FAM135B: variants seen among roughly 807,000 people sequenced by gnomAD.
FAM135B encodes protein FAM135B.
A neutral mutation model predicts 127.7 loss-of-function variants in FAM135B; 43 were observed. That is an observed-to-expected ratio of 0.34 (90% CI 0.26 to 0.43). The LOEUF (loss-of-function observed/expected upper bound fraction) is 0.43, where lower values mean the gene tolerates loss of function less well. Ranked by LOEUF, FAM135B falls within the 20% of genes least tolerant of loss-of-function variation. The probability of loss-of-function intolerance (pLI) is 1.00; values close to 1 mark genes in which losing one functional copy is unlikely to be tolerated. For synonymous variants in FAM135B, 670 were observed against 665.1 expected, an observed-to-expected ratio of 1.01 and a Z score of -0.11; for missense variants, 1,558 against 1,725.6, an observed-to-expected ratio of 0.90 and a Z score of 1.72.
intron 1 of FAM135B, among the ~76,000 whole-genome samples, chr8:138,392,772 C>A (rs1015759280): frequency 6.6e-6 from 1 of 152,074 alleles, no homozygotes; most frequent in Non-Finnish European, 1.5e-5. Flanking sequence ...CTAGCAGGAG[C>A]TAGGGACCAC....
chr8:138,429,098 A>G (rs1835061131), intron 1 of FAM135B, among the ~76,000 whole-genome samples: 1 of 152,206 alleles, frequency 6.6e-6, no homozygotes, highest in Non-Finnish European at 1.5e-5. Context: ...TGGACAAAAA[A>G]TATGGGTATC....
At chr8:138,313,036 A>C (rs1826813002) in intron 2 of FAM135B, among the ~76,000 whole-genome samples, 1 of 152,272 alleles carries the variant, frequency 6.6e-6, no homozygotes, top group Non-Finnish European at 1.5e-5. Flanking sequence ...CTTTAATTTC[A>C]TATCTTATAA....
chr8:138,359,912 T>C (rs549045448), intron 2 of FAM135B, among the ~76,000 whole-genome samples: 1 of 152,282 alleles, frequency 6.6e-6, no homozygotes, highest in South Asian at 2.1e-4. Context: ...GGTGAGTACG[T>C]TCAAAGGAGA....
At chr8:138,421,760 A>G (rs1271831847) in intron 1 of FAM135B, among the ~76,000 whole-genome samples, 2 of 152,190 alleles carry the variant, frequency 1.3e-5, no homozygotes, top group Non-Finnish European at 1.5e-5. Context: ...TACCAATATC[A>G]TTTTCATAGA....
At chr8:138,422,051 A>G (rs1028931524) in intron 1 of FAM135B, among the ~76,000 whole-genome samples, 2 of 152,180 alleles carry the variant, frequency 1.3e-5, no homozygotes, top group African/African-American at 4.8e-5. Context: ...TTGTGCTGGG[A>G]TAACTGGCTA....
At chr8:138,158,501 G>C (rs1282915334) in intron 12 of FAM135B, among the ~76,000 whole-genome samples, 4 of 152,150 alleles carry the variant, frequency 2.6e-5, no homozygotes, top group Non-Finnish European at 5.9e-5. Context: ...AGAGTGAACA[G>C]GCAACCTACA....
At chr8:138,347,316 T>C (rs1829486427) in intron 2 of FAM135B, among the ~76,000 whole-genome samples, 1 of 152,210 alleles carries the variant, frequency 6.6e-6, no homozygotes, top group Admixed American at 6.5e-5. Flanking sequence ...AAATCATCCC[T>C]TCCTGTGGTA....
chr8:138,483,531 G>A (rs1814868243), intron 1 of FAM135B, among the ~76,000 whole-genome samples: 1 of 152,218 alleles, frequency 6.6e-6, no homozygotes, highest in Admixed American at 6.5e-5. Flanking sequence ...CCAGATGAAG[G>A]TGGGGTTTGT....
At chr8:138,445,394 A>G (rs1016913810) in intron 1 of FAM135B, among the ~76,000 whole-genome samples, 2 of 152,230 alleles carry the variant, frequency 1.3e-5, no homozygotes, top group African/African-American at 2.4e-5. Flanking sequence ...CATTGATGCA[A>G]AAATCCTCAA....
At chr8:138,424,640 G>A (rs532147240) in intron 1 of FAM135B, among the ~76,000 whole-genome samples, 2 of 152,222 alleles carry the variant, frequency 1.3e-5, no homozygotes, top group Non-Finnish European at 2.9e-5. Context: ...CAGGTTATGT[G>A]GTTTGTTCAA....
At chr8:138,484,197 A>C (rs1814897689) in intron 1 of FAM135B, among the ~76,000 whole-genome samples, 1 of 152,154 alleles carries the variant, frequency 6.6e-6, no homozygotes, top group Non-Finnish European at 1.5e-5. Flanking sequence ...CGCAGACCTG[A>C]TATGAGGGAT....
intron 2 of FAM135B, among the ~76,000 whole-genome samples, chr8:138,357,198 C>G (rs1057280469): frequency 1.3e-5 from 2 of 152,086 alleles, no homozygotes; most frequent in Non-Finnish European, 2.9e-5. Context: ...ATTTGTGCTA[C>G]TGTTGCATAG....
chr8:138,297,127 C>T (rs1040615647), intron 3 of FAM135B, among the ~76,000 whole-genome samples: 13 of 152,050 alleles, frequency 8.5e-5, no homozygotes, highest in East Asian at 1.9e-4. Flanking sequence ...CGTGATCAGA[C>T]GTATGCATCT....
At chr8:138,334,386 CT>C (rs1295375166) in intron 2 of FAM135B, among the ~76,000 whole-genome samples, 1 of 152,126 alleles carries the variant, frequency 6.6e-6, no homozygotes, top group Non-Finnish European at 1.5e-5. Context: ...TCTTTGTTTT[CT>C]TTTTTAAAAA....
intron 7 of FAM135B, among the ~76,000 whole-genome samples, chr8:138,231,830 CT>C (rs1213901333): frequency 3.3e-5 from 5 of 152,128 alleles, no homozygotes; most frequent in Admixed American, 3.3e-4. Context: ...TAAATGCTCA[CT>C]ACATTTACCT....
chr8:138,269,800 G>A (rs997772933), intron 3 of FAM135B, among the ~76,000 whole-genome samples: 1 of 152,174 alleles, frequency 6.6e-6, no homozygotes, highest in African/African-American at 2.4e-5. Flanking sequence ...AAAATGGTGA[G>A]TGAAGAAGTA....
chr8:138,303,138 G>A (rs1188249593), intron 3 of FAM135B, among the ~76,000 whole-genome samples: 1 of 152,184 alleles, frequency 6.6e-6, no homozygotes, highest in Non-Finnish European at 1.5e-5. Flanking sequence ...ATGCACATGT[G>A]TGTTTATCGC....
rs2130900937 is a variant in FAM135B at position 138,167,951 on chromosome 8, T to A, written c.1202A>T (p.Asp401Val). ...LPAECLDIDG[D>V]WNTLPVIFED... is the part of the protein sequence containing the mutation. ...AAAGATCACCGGCAGGGTGTTCCAA[T>A]CGCCGTCGATGTCCAGGCACTCTGC... is the stretch of plus-strand genomic sequence containing the variant. The change falls in exon 12 of 20, where the codon GAT becomes GTT. Residue 401 changes from aspartate (D) to valine (V), a missense_variant. Coordinates refer to ENST00000395297, the MANE Select transcript of FAM135B (RefSeq NM_015912.4). The A allele has an allele frequency of 6.2e-7, 1 of 1,613,936 alleles. No homozygotes were observed. The highest frequency in any genetic ancestry group is 8.5e-7 in the Non-Finnish European group (1 of 1,179,930).
In FAM135B at chr8:138,457,629, T is replaced by A. The variant is rs548919741; in HGVS notation, c.-20+39042A>T. 4.6e-5 allele frequency among the ~76,000 whole-genome samples: 7 copies of A among 152,272 alleles called. 1 individual carries two copies. In the South Asian group the frequency reaches 1.5e-3, roughly 32 times the overall value. The stretch of plus-strand genomic sequence containing the variant: ...TTTCACTTTACAAGGGTTTTCATCA[T>A]CCTTTATGCTTTATAGGATTTACAA... On this transcript the variant is annotated intron_variant, in intron 1 of 19. Transcript: ENST00000395297.
Sources: gnomAD v4.1 joint callset for allele counts (sites outside exome capture counted in the v4.1 genomes callset) on GRCh38, gnomAD v4.1.1 for gene constraint, MANE v1.5 for transcripts, NCBI Gene and HGNC (gene_info 2026-07-23, HGNC 2026-07-21) for gene names.